Variants in GRIP1 observed in about 807,000 individuals in gnomAD.
GRIP1 encodes the protein glutamate receptor-interacting protein 1.
In GRIP1, 45 loss-of-function variants were observed where a neutral mutation model predicts 129.9. The observed-to-expected ratio is 0.35, with a 90% CI of 0.27 to 0.44. The LOEUF (loss-of-function observed/expected upper bound fraction) is 0.44, where lower values mean the gene tolerates loss of function less well. Ranked by LOEUF, GRIP1 falls within the 20% of genes least tolerant of loss-of-function variation. The pLI is 1.00. For missense variants in GRIP1, 1,196 were observed against 1,396.8 expected, an observed-to-expected ratio of 0.86 and a Z score of 2.29; for synonymous variants, 530 against 520.8, an observed-to-expected ratio of 1.02 and a Z score of -0.24.
chr12:66,892,580 A>AC (rs2040679231), intron 1 of GRIP1, among the ~76,000 whole-genome samples: 1 of 128,100 alleles, frequency 7.8e-6, no homozygotes. Context: ...TCATTTACTC[A>AC]CTTATATATA....
At chr12:67,004,060 G>A (rs2042591743) in intron 1 of GRIP1, among the ~76,000 whole-genome samples, 1 of 152,170 alleles carries the variant, frequency 6.6e-6, no homozygotes, top group Non-Finnish European at 1.5e-5. Context: ...CTCTCATAAG[G>A]ACATTTGTGA....
chr12:67,016,117 A>C (rs774613931), intron 1 of GRIP1, among the ~76,000 whole-genome samples: 3 of 152,220 alleles, frequency 2.0e-5, no homozygotes, highest in Non-Finnish European at 4.4e-5. Context: ...ATATTTGCTT[A>C]AGATGCACTG....
chr12:66,785,343 C>CATACATACATATATATATATAT (rs377630345), intron 1 of GRIP1, among the ~76,000 whole-genome samples: 87 of 72,766 alleles, frequency 1.2e-3, no homozygotes, highest in South Asian at 3.0e-3. Context: ...TACATACATA[C>CATACATACATATATATATATAT]ATATATATAT....
chr12:66,445,524 GA>G lies in GRIP1; in HGVS notation c.1355-17del, dbSNP rs1420152468. The G allele has an allele frequency of 6.3e-7, 1 of 1,595,758 alleles. No homozygotes were observed. The highest frequency in any genetic ancestry group is 8.6e-7 in the Non-Finnish European group (1 of 1,166,834). ...GCTAAGGACACTAGAGGAACAAACA[GA>G]AAATACTGACTTTAGGTTGGAGCAA... On this transcript the variant is annotated splice_polypyrimidine_tract_variant and intron_variant, in intron 11 of 24. Transcript: ENST00000359742.
intron 1 of GRIP1, among the ~76,000 whole-genome samples, chr12:66,725,580 G>A (rs575432081): frequency 2.8e-4 from 43 of 151,956 alleles, no homozygotes; most frequent in South Asian, 8.3e-4. Context: ...ATTAAATCAC[G>A]TGTGTGTGTA....
chr12:66,495,649 C>G (rs1176511671), intron 7 of GRIP1, among the ~76,000 whole-genome samples: 1 of 152,144 alleles, frequency 6.6e-6, no homozygotes, highest in African/African-American at 2.4e-5. Context: ...GTGAGCCCCC[C>G]ACCCCCGTGC....
At chr12:66,603,503 T>C (rs535659026) in intron 1 of GRIP1, among the ~76,000 whole-genome samples, 72 of 152,334 alleles carry the variant, frequency 4.7e-4, no homozygotes, top group African/African-American at 1.6e-3. Flanking sequence ...AATCAGAGTC[T>C]GCATTTAGCA....
At chr12:67,045,677 T>C (rs944201566) in intron 1 of GRIP1, among the ~76,000 whole-genome samples, 23 of 152,178 alleles carry the variant, frequency 1.5e-4, no homozygotes, top group Admixed American at 1.5e-3. Context: ...CTTACAGTTG[T>C]AGCTACCTTA....
intron 11 of GRIP1, among the ~76,000 whole-genome samples, chr12:66,452,192 T>C (rs972530971): frequency 5.1e-4 from 77 of 152,326 alleles, no homozygotes; most frequent in African/African-American, 1.7e-3. Context: ...TCAGCCATGC[T>C]GTTGTTACAG....
chr12:66,872,687 A>C (rs2040316631), intron 1 of GRIP1, among the ~76,000 whole-genome samples: 1 of 151,982 alleles, frequency 6.6e-6, no homozygotes, highest in Admixed American at 6.6e-5. Context: ...TTATTCTCTA[A>C]ATTTTTCAAT....
chr12:66,447,007 A>AT (rs532784272), intron 11 of GRIP1, among the ~76,000 whole-genome samples: 3 of 152,200 alleles, frequency 2.0e-5, no homozygotes, highest in African/African-American at 7.2e-5. Flanking sequence ...TTAGCAACAG[A>AT]TTTTTCCCCC....
Position 67,023,862 on chromosome 12 carries a change from C to A in GRIP1, c.58+45188G>T, listed in dbSNP as rs543974630. ...CTGCCAGTATATGTTTCCATGGGGA[C>A]CCAAAGCTAGTTCCCTCTTTTATAT... On this transcript the variant is annotated intron_variant, in intron 1 of 1. Coordinates refer to the GRIP1 transcript ENST00000643019. Among the ~76,000 whole-genome samples the A allele has an allele frequency of 1.9e-3, 284 of 152,228 alleles. 3 individuals carry two copies. The highest frequency in any genetic ancestry group is 6.2e-3 in the African/African-American group (256 of 41,558).
chr12:66,946,803 T>A (rs973688163), intron 1 of GRIP1, among the ~76,000 whole-genome samples: 2 of 6,240 alleles, frequency 3.2e-4, no homozygotes, highest in African/African-American at 1.3e-3. Context: ...GTGTGGGGGC[T>A]GGGGGGGGCG....
intron 1 of GRIP1, among the ~76,000 whole-genome samples, chr12:66,655,299 A>C (rs10878487): frequency 0.053 from 8,062 of 152,206 alleles, 253 homozygotes; most frequent in East Asian, 0.13. Flanking sequence ...CATGCTGCAA[A>C]TCTTTCTGTT....
chr12:66,552,788 C>A (rs1399773984), intron 2 of GRIP1, among the ~76,000 whole-genome samples: 1 of 152,170 alleles, frequency 6.6e-6, no homozygotes, highest in African/African-American at 2.4e-5. Context: ...ATTTGATTGT[C>A]CCTTGTTTGA....
At chr12:66,559,527 T>C (rs989425383) in intron 2 of GRIP1, among the ~76,000 whole-genome samples, 2 of 152,134 alleles carry the variant, frequency 1.3e-5, no homozygotes, top group African/African-American at 4.8e-5. Context: ...CATATCTATA[T>C]GCCAACAGTG....
intron 1 of GRIP1, among the ~76,000 whole-genome samples, chr12:66,949,777 T>C (rs1465904048): frequency 1.4e-5 from 2 of 142,390 alleles, no homozygotes; most frequent in Non-Finnish European, 3.1e-5. Context: ...TTTTTTTTTT[T>C]TTTTTTTTGA....
chr12:66,868,286 C>T (rs973743779), intron 1 of GRIP1, among the ~76,000 whole-genome samples: 2 of 152,042 alleles, frequency 1.3e-5, no homozygotes, highest in African/African-American at 4.8e-5. Flanking sequence ...ACAGAAGCCA[C>T]CACTGAGATA....
chr12:66,463,184 T>C, intron 8 of GRIP1, 91 bp from the exon 9 acceptor site: 5 of 1,116,392 alleles, frequency 4.5e-6, no homozygotes, highest in East Asian at 2.5e-5. Context: ...TTCACAGTTT[T>C]TCATTTACTT....
Sources: allele counts gnomAD v4.1 joint callset (sites outside exome capture counted in the v4.1 genomes callset), GRCh38; gene constraint gnomAD v4.1.1; transcripts MANE v1.5; gene names NCBI Gene and HGNC (gene_info 2026-07-23, HGNC 2026-07-21).